Variants in RARB observed in about 807,000 individuals in gnomAD.
The protein encoded by RARB is HBV-activated protein.
A neutral mutation model predicts 51.9 loss-of-function variants in RARB; 17 were observed. The ratio of observed to expected loss-of-function variants is 0.33; its 90% CI spans 0.22 to 0.49. RARB has a LOEUF of 0.49. RARB is among the 20% of genes least tolerant of loss of function. The pLI is 0.99. For missense variants in RARB, 369 were observed against 550.8 expected (o/e 0.67, Z 3.30); for synonymous variants, 215 against 195.4 (o/e 1.10, Z -0.84).
intron 3 of RARB, among the ~76,000 whole-genome samples, chr3:25,107,029 T>C (rs529950169): frequency 6.6e-6 from 1 of 152,072 alleles, no homozygotes; most frequent in Admixed American, 6.6e-5. Flanking sequence ...GCCTCCCGAA[T>C]AGCTGGGATT....
intron 5 of RARB, among the ~76,000 whole-genome samples, chr3:25,341,880 C>T (rs113251287): frequency 3.9e-5 from 6 of 152,112 alleles, no homozygotes; most frequent in African/African-American, 9.6e-5. Flanking sequence ...CCTCAAACTA[C>T]GCTAATTTCC....
intron 1 of RARB, chr3:25,441,264 G>A: frequency 2.4e-6 from 1 of 411,398 alleles, no homozygotes; most frequent in South Asian, 2.0e-5. Flanking sequence ...CTCCTGCAAA[G>A]CACCAGTAGC....
At chr3:25,316,627 A>T (rs1704432467) in intron 5 of RARB, among the ~76,000 whole-genome samples, 1 of 152,220 alleles carries the variant, frequency 6.6e-6, no homozygotes, top group Non-Finnish European at 1.5e-5. Context: ...GATGGTAACA[A>T]TATTTTATGG....
At chr3:24,947,925 A>C (rs1019026892) in intron 2 of RARB, among the ~76,000 whole-genome samples, 1 of 151,950 alleles carries the variant, frequency 6.6e-6, no homozygotes, top group Non-Finnish European at 1.5e-5. Flanking sequence ...CTTGTAGTGC[A>C]TGCTTAATGA....
chr3:25,291,211 A>G (rs965528413), intron 5 of RARB, among the ~76,000 whole-genome samples: 1 of 152,184 alleles, frequency 6.6e-6, no homozygotes, highest in African/African-American at 2.4e-5. Flanking sequence ...AGATACACAC[A>G]TATATATCTT....
intron 5 of RARB, among the ~76,000 whole-genome samples, chr3:25,358,554 G>A (rs1293375086): frequency 2.6e-5 from 4 of 152,154 alleles, no homozygotes; most frequent in Non-Finnish European, 5.9e-5. Flanking sequence ...TTCTTGTCTT[G>A]TGCTGGTTTG....
At chr3:25,484,364 C>T (rs1475970434) in intron 2 of RARB, among the ~76,000 whole-genome samples, 1 of 151,890 alleles carries the variant, frequency 6.6e-6, no homozygotes, top group East Asian at 1.9e-4. Flanking sequence ...TTTCTGAGAC[C>T]GTGATGTTGA....
intron 2 of RARB, among the ~76,000 whole-genome samples, chr3:24,930,585 T>TA (rs1454161202): frequency 6.6e-6 from 1 of 152,126 alleles, no homozygotes; most frequent in Non-Finnish European, 1.5e-5. Flanking sequence ...GGAGTTCAAC[T>TA]AATATTAAAT....
chr3:25,370,817 C>A (rs1252469240), intron 5 of RARB, among the ~76,000 whole-genome samples: 1 of 152,186 alleles, frequency 6.6e-6, no homozygotes, highest in African/African-American at 2.4e-5. Context: ...TATGTTCTAA[C>A]AGATCTGGGA....
intron 5 of RARB, among the ~76,000 whole-genome samples, chr3:25,201,263 T>A (rs1701382827): frequency 6.6e-6 from 1 of 152,212 alleles, no homozygotes; most frequent in African/African-American, 2.4e-5. Context: ...ATGCTTGTGA[T>A]TTTTGCACAT....
chr3:25,537,283 C>A (rs1211470241), intron 3 of RARB, among the ~76,000 whole-genome samples: 1 of 152,188 alleles, frequency 6.6e-6, no homozygotes, highest in Non-Finnish European at 1.5e-5. Context: ...AAGCTCATGC[C>A]AAGCTAATTG....
intron 5 of RARB, among the ~76,000 whole-genome samples, chr3:25,268,340 A>T (rs1447568198): frequency 6.6e-6 from 1 of 152,034 alleles, no homozygotes; most frequent in Non-Finnish European, 1.5e-5. Context: ...GCACATCTGT[A>T]ATCTATTTTG....
intron 5 of RARB, among the ~76,000 whole-genome samples, chr3:25,264,752 C>T (rs969058790): frequency 1.3e-5 from 2 of 152,120 alleles, no homozygotes; most frequent in African/African-American, 4.8e-5. Context: ...GTTTTTCCTT[C>T]TGCATGGGTG....
At chr3:24,836,019 T>C (rs1030711226) in intron 1 of RARB, among the ~76,000 whole-genome samples, 2 of 152,210 alleles carry the variant, frequency 1.3e-5, no homozygotes, top group African/African-American at 2.4e-5. Flanking sequence ...TGGAAAAGAC[T>C]TGAGTGGCTC....
At chr3:25,271,810 T>G (rs1394829378) in intron 5 of RARB, among the ~76,000 whole-genome samples, 1 of 152,218 alleles carries the variant, frequency 6.6e-6, no homozygotes, top group Non-Finnish European at 1.5e-5. Flanking sequence ...CATTTTCTAG[T>G]AAGGCTTTTT....
chr3:24,894,363 ATATT>A (rs1238003785), intron 2 of RARB, among the ~76,000 whole-genome samples: 1 of 151,450 alleles, frequency 6.6e-6, no homozygotes, highest in East Asian at 2.0e-4. Context: ...AGAACATGCA[ATATT>A]TAGTTTTCTG....
At chr3:25,062,381 G>C (rs181507722) in intron 3 of RARB, among the ~76,000 whole-genome samples, 1 of 151,830 alleles carries the variant, frequency 6.6e-6, no homozygotes, top group Non-Finnish European at 1.5e-5. Context: ...AGATGGGAAC[G>C]TAGCATGAAA....
chr3:25,578,427 A>G (rs1347761069), intron 4 of RARB, among the ~76,000 whole-genome samples: 1 of 152,234 alleles, frequency 6.6e-6, no homozygotes, highest in Non-Finnish European at 1.5e-5. Context: ...AAGTTACCTC[A>G]TGCAATGTTG....
At chr3:25,524,736 A>AT (rs923328068) in intron 3 of RARB, among the ~76,000 whole-genome samples, 2 of 136,444 alleles carry the variant, frequency 1.5e-5, no homozygotes, top group East Asian at 2.1e-4. Flanking sequence ...TTTTATCATT[A>AT]TTTTTTTTCA....
Sources: allele counts gnomAD v4.1 joint callset (sites outside exome capture counted in the v4.1 genomes callset), GRCh38; gene constraint gnomAD v4.1.1; transcripts MANE v1.5; gene names NCBI Gene and HGNC (gene_info 2026-07-23, HGNC 2026-07-21).